CCDC159: variants seen among roughly 807,000 people sequenced by gnomAD.
The protein encoded by CCDC159 is coiled-coil domain-containing protein 159.
CCDC159 carries 40 observed loss-of-function variants against 50.9 expected under a neutral mutation model. That is an observed-to-expected ratio of 0.79 (90% CI 0.61 to 1.02). The LOEUF (loss-of-function observed/expected upper bound fraction) is 1.02, where lower values mean the gene tolerates loss of function less well. CCDC159 is among the 50% of genes least tolerant of loss of function. The probability of loss-of-function intolerance (pLI) is 0.00; values close to 1 mark genes in which losing one functional copy is unlikely to be tolerated. For missense variants in CCDC159, 356 were observed against 371.5 expected (o/e 0.96, Z 0.34); for synonymous variants, 146 against 138.9 (o/e 1.05, Z -0.36).
intron 7 of CCDC159, among the ~76,000 whole-genome samples, chr19:11,353,048 T>C (rs897988903): frequency 7.2e-5 from 11 of 152,218 alleles, no homozygotes; most frequent in Non-Finnish European, 1.5e-5. Context: ...CAGTCTGGCA[T>C]ATAACAAGTG....
chr19:11,348,046 C>T, intron 1 of CCDC159: 3 of 447,410 alleles, frequency 6.7e-6, no homozygotes, highest in South Asian at 4.8e-5. Context: ...CTCTGCTAAC[C>T]TCCTGCTGCT....
rs758141528 is a variant in CCDC159, at chr19:11,349,634, A to G, written c.22-20A>G. ...AGCTCAGGGACAAATTTCTACTCCC[A>G]TCTCATCTCTCTTCCTTAGAAGCCC... On this transcript the variant is annotated intron_variant, in intron 1 of 10. Coordinates refer to ENST00000458408, the MANE Select transcript of CCDC159 (RefSeq NM_001080503.3). 6.2e-7 allele frequency: 1 copy of G among 1,613,042 alleles called. No individual in the cohort carries two copies. Among genetic ancestry groups the G allele is most frequent in the South Asian group, 1.1e-5 (1 of 90,810 alleles).
chr19:11,349,597 G>T, intron 1 of CCDC159, 57 bp from the exon 2 acceptor site: 2 of 1,602,438 alleles, frequency 1.2e-6, no homozygotes, highest in African/African-American at 2.7e-5. Flanking sequence ...GGGTTGAGGT[G>T]AGCAAGGAGG....
At chr19:11,347,263 G>A (rs1171065792) in intron 1 of CCDC159, among the ~76,000 whole-genome samples, 1 of 152,156 alleles carries the variant, frequency 6.6e-6, no homozygotes, top group Non-Finnish European at 1.5e-5. Context: ...TCAATTAGGT[G>A]CTCAGAAAAT....
intron 9 of CCDC159, among the ~76,000 whole-genome samples, 169 bp from the exon 10 acceptor site, chr19:11,354,411 G>A (rs924314681): frequency 4.6e-5 from 7 of 152,096 alleles, no homozygotes; most frequent in African/African-American, 1.7e-4. Context: ...GTGTCAATTG[G>A]GTAAAATGCA....
intron 2 of CCDC159, 72 bp from the exon 3 acceptor site, chr19:11,349,866 C>T: frequency 6.9e-7 from 1 of 1,447,428 alleles, no homozygotes; most frequent in South Asian, 1.2e-5. Context: ...TGAGCCTTTG[C>T]TGACCTCTGC....
At chr19:11,353,123 G>A (rs906917345) in intron 7 of CCDC159, among the ~76,000 whole-genome samples, 28 of 151,754 alleles carry the variant, frequency 1.8e-4, no homozygotes, top group Admixed American at 1.7e-3. Flanking sequence ...TTTTTGAGAC[G>A]GAGTTTCCCT....
chr19:11,350,269 T>C, intron 4 of CCDC159, 70 bp downstream of exon 4: 8 of 1,378,452 alleles, frequency 5.8e-6, no homozygotes, highest in Non-Finnish European at 6.0e-6. Context: ...ATCCCAGCAT[T>C]TGGGGAGGCC....
Position 11,349,673 on chromosome 19 carries a change from C to T in CCDC159, c.41C>T (p.Ser14Phe). The change falls in exon 2 of 11, where the codon TCT becomes TTT. Residue 14 changes from serine to phenylalanine, a missense_variant. Physicochemically the swap from Ser to Phe is radical, Grantham distance 155 (BLOSUM62 -2). Coordinates refer to ENST00000458408, the MANE Select transcript of CCDC159 (RefSeq NM_001080503.3). ...CCTTAGAAGCCCTTGGAGACCAGCT[C>T]TTCCAAAGTCAAAGGTGAGAAATCT... ...HEQVKPLETS[S>F]SKVKAKTIVM... is the part of the protein sequence containing the mutation. 6.2e-7 allele frequency: 1 copy of T among 1,611,898 alleles called. No homozygotes were observed.
chr19:11,351,479 G>A (rs569553883), intron 5 of CCDC159: 1 of 178,390 alleles, frequency 5.6e-6, no homozygotes, highest in East Asian at 1.7e-4. Context: ...GAGGGGATGA[G>A]AGGCTCAGGG....
intron 2 of CCDC159, 68 bp downstream of exon 2, chr19:11,349,755 C>G (rs1967467846): frequency 1.5e-6 from 2 of 1,347,696 alleles, no homozygotes; most frequent in East Asian, 4.6e-5. Flanking sequence ...TACCCTCTGC[C>G]CCAGCATCAG....
At chr19:11,352,172 G>A (rs369838458) in intron 7 of CCDC159, 39 bp downstream of exon 7, 1 of 1,600,886 alleles carries the variant, frequency 6.2e-7, no homozygotes, top group Non-Finnish European at 8.5e-7. Flanking sequence ...AGGAGTGGGA[G>A]AGGGAGGGAT....
intron 9 of CCDC159, 129 bp from the exon 10 acceptor site, chr19:11,354,451 C>T: frequency 1.2e-6 from 1 of 859,050 alleles, no homozygotes; most frequent in East Asian, 2.8e-5. Flanking sequence ...TTTGGTGTCA[C>T]ACTGGATCAC....
intron 1 of CCDC159, 69 bp from the exon 2 acceptor site, chr19:11,349,585 C>G (rs1164294937): frequency 6.3e-7 from 1 of 1,593,666 alleles, no homozygotes; most frequent in African/African-American, 1.3e-5. Flanking sequence ...GCCCTCAAAA[C>G]TGGGTTGAGG....
chr19:11,348,953 C>A (rs773696368), intron 1 of CCDC159: 2 of 1,344,674 alleles, frequency 1.5e-6, no homozygotes, highest in Non-Finnish European at 2.0e-6. Context: ...CTCAAGGAAG[C>A]CCTCACCCCT....
Position 11,350,928 on chromosome 19 carries a change from T to C in CCDC159, c.347T>C (p.Leu116Pro). Residue 116 changes from leucine to proline, a missense_variant, in exon 5 of 11, where the codon CTG becomes CCG. Physicochemically the swap from Leu to Pro is moderately conservative, Grantham distance 98 (BLOSUM62 -3). Transcript: ENST00000458408. ...GGCCTTCAGGGGCTGGAGAAGACCC[T>C]GCGTGACAGTGAGGAGATGCAGCGG... ...TQGLQGLEKT[L>P]RDSEEMQRAR... 6.4e-7 allele frequency: 1 copy of C among 1,553,718 alleles called. No individual in the cohort carries two copies.
chr19:11,349,646 T>A lies in CCDC159; in HGVS notation c.22-8T>A, dbSNP rs751489591. On this transcript the variant is annotated splice_polypyrimidine_tract_variant and splice_region_variant and intron_variant, in intron 1 of 10. Coordinates refer to ENST00000458408, the MANE Select transcript of CCDC159 (RefSeq NM_001080503.3). Reference sequence around the variant, plus strand: ...AATTTCTACTCCCATCTCATCTCTCTTCCTTAGAAGCCCTTGGAGACCAGC... The same window carrying A: ...AATTTCTACTCCCATCTCATCTCTCATCCTTAGAAGCCCTTGGAGACCAGC... 1.9e-6 allele frequency: 3 copies of A among 1,613,330 alleles called. No individual in the cohort carries two copies. The highest frequency in any genetic ancestry group is 2.5e-6 in the Non-Finnish European group (3 of 1,179,612).
rs1967246729 is a variant in CCDC159 at position 11,346,644 on chromosome 19, G to A, written c.21+17G>A. The A allele has an allele frequency of 1.3e-6, 2 of 1,550,980 alleles. No homozygotes were observed. Among genetic ancestry groups the A allele is most frequent in the Non-Finnish European group, 1.7e-6 (2 of 1,146,734 alleles). On this transcript the variant is annotated intron_variant, in intron 1 of 10. Coordinates refer to ENST00000458408, the MANE Select transcript of CCDC159 (RefSeq NM_001080503.3). ...GAACAGGTGGTATGTGGTAGGTGGG[G>A]TTCTGGAGCCTGGCGGGTGTAGATT... is the stretch of plus-strand genomic sequence containing the variant.
intron 9 of CCDC159, 76 bp downstream of exon 9, chr19:11,353,950 T>C (rs1967735152): frequency 8.3e-7 from 1 of 1,204,632 alleles, no homozygotes; most frequent in Non-Finnish European, 1.2e-6. Flanking sequence ...TCAGAGAGCC[T>C]ATTTGGGAGT....
Sources: gnomAD v4.1 joint callset for allele counts (sites outside exome capture counted in the v4.1 genomes callset) on GRCh38, gnomAD v4.1.1 for gene constraint, MANE v1.5 for transcripts, NCBI Gene and HGNC (gene_info 2026-07-23, HGNC 2026-07-21) for gene names.